GBF1: variants seen among roughly 807,000 people sequenced by gnomAD.
GBF1 encodes Golgi-specific brefeldin A-resistance guanine nucleotide exchange factor 1.
GBF1 carries 114 observed loss-of-function variants against 210.5 expected under a neutral mutation model. That is an observed-to-expected ratio of 0.54 (90% confidence interval 0.47 to 0.63). The LOEUF is 0.63. Ranked by LOEUF, GBF1 falls within the 30% of genes least tolerant of loss-of-function variation. GBF1 has a pLI of 0.00. For missense variants in GBF1, 1,851 were observed against 2,357.7 expected, an observed-to-expected ratio of 0.79 and a Z score of 4.45; for synonymous variants, 850 against 889.2, an observed-to-expected ratio of 0.96 and a Z score of 0.78.
rs1400713120 is a variant in GBF1, at chr10:102,258,304, G to A, written c.-10-625G>A. On this transcript the variant is annotated intron_variant, in intron 1 of 39. Transcript: ENST00000369983. ...CGGGTGGCTGAGATTACAGGCATGC[G>A]CCACCTCGCCTGGCTAATTTTTTGT... Among the ~76,000 whole-genome samples the A allele has an allele frequency of 5.3e-5, 8 of 151,202 alleles. No individual in the cohort carries two copies. The East Asian group carries it at 6.0e-4, about 11-fold the overall frequency.
At position 102,365,467 on chromosome 10, in the gene GBF1, G is replaced by T; in HGVS notation, c.2177G>T (p.Gly726Val). Residue 726 changes from glycine to valine, a missense_variant, in exon 18 of 40, where the codon GGC becomes GTC. By Grantham distance (109) the Gly-to-Val change is moderately radical (BLOSUM62 -3). Transcript: ENST00000369983. The stretch of plus-strand genomic sequence containing the variant: ...GGGATTCAGTTTCTGCAAGAGAAAG[G>T]CCTCCTCACCATCCCAATGGACAAC... ...KKGIQFLQEKGLLTIPMDNTE... is the reference protein window; with the variant it reads ...KKGIQFLQEKVLLTIPMDNTE... 6.2e-7 allele frequency: 1 copy of T among 1,614,048 alleles called. No homozygotes were observed. The highest frequency in any genetic ancestry group is 8.5e-7 in the Non-Finnish European group (1 of 1,179,872).
chr10:102,362,213 C>T (rs554985695), intron 14 of GBF1, among the ~76,000 whole-genome samples: 9 of 150,722 alleles, frequency 6.0e-5, no homozygotes, highest in African/African-American at 7.4e-5. Context: ...CCCACCACCA[C>T]GCCCGGCTAA....
At chr10:102,318,535 T>C (rs559184206) in intron 3 of GBF1, among the ~76,000 whole-genome samples, 2 of 152,310 alleles carry the variant, frequency 1.3e-5, no homozygotes, top group African/African-American at 4.8e-5. Context: ...AGCAATGTGG[T>C]ATAAATATCT....
intron 3 of GBF1, among the ~76,000 whole-genome samples, chr10:102,331,988 T>G (rs2057371769): frequency 6.6e-6 from 1 of 150,416 alleles, no homozygotes; most frequent in African/African-American, 2.4e-5. Flanking sequence ...GCCTCCTGAA[T>G]AGCTGGGATT....
chr10:102,339,344 C>T (rs1589693006), intron 3 of GBF1, among the ~76,000 whole-genome samples: 2 of 151,674 alleles, frequency 1.3e-5, no homozygotes, highest in East Asian at 3.9e-4. Flanking sequence ...GCCTGGGTGA[C>T]AGAGCGAGAC....
chr10:102,261,126 G>A (rs564973788), intron 3 of GBF1, among the ~76,000 whole-genome samples: 142 of 152,286 alleles, frequency 9.3e-4, no homozygotes, highest in African/African-American at 3.3e-3. Flanking sequence ...CCTAAGAGGT[G>A]GAGTCAAAAC....
chr10:102,347,147 T>G (rs2058630667), intron 4 of GBF1, among the ~76,000 whole-genome samples: 9 of 152,206 alleles, frequency 5.9e-5, no homozygotes, highest in Admixed American at 5.9e-4. Flanking sequence ...TCTTTGTTTC[T>G]TAAGCAGGGA....
chr10:102,364,742 G>A lies in GBF1; in HGVS notation c.2107-655G>A, dbSNP rs1041994701. 6.6e-5 allele frequency among the ~76,000 whole-genome samples: 10 copies of A among 151,786 alleles called. No homozygotes were observed. In the East Asian group the frequency reaches 9.8e-4, roughly 15 times the overall value. ...TGCATGCCTGTAATCCCAGCTACTC[G>A]GGAGACTGAGGCAGGAGAATCAGTT... is the stretch of plus-strand genomic sequence containing the variant. On this transcript the variant is annotated intron_variant, in intron 17 of 39. Coordinates refer to ENST00000369983, the MANE Select transcript of GBF1 (RefSeq NM_001377137.1).
rs755743715 is a variant in GBF1, at chr10:102,368,459, C to T, written c.2879+5C>T. 6.5e-7 allele frequency: 1 copy of T among 1,542,806 alleles called. No homozygotes were observed. The highest frequency in any genetic ancestry group is 9.0e-7 in the Non-Finnish European group (1 of 1,115,348). ...GAAAGCCATCTCAGGCTTCAGGTAG[C>T]CCAGCTTTGGCCTTGGTCTTCACCT... On this transcript the variant is annotated splice_donor_5th_base_variant and intron_variant, in intron 22 of 39. Coordinates refer to ENST00000369983, the MANE Select transcript of GBF1 (RefSeq NM_001377137.1).
rs952337644 is a variant in GBF1 at position 102,353,370 on chromosome 10, A to T, written c.585-230A>T. On this transcript the variant is annotated intron_variant, in intron 7 of 39. Coordinates refer to ENST00000369983, the MANE Select transcript of GBF1 (RefSeq NM_001377137.1). ...AAAAGAGCCTCCACACTCCAAGGGCACTTACCTTGCTCTCACAACTACCTC... is the reference window on the plus strand; with the variant it reads ...AAAAGAGCCTCCACACTCCAAGGGCTCTTACCTTGCTCTCACAACTACCTC... Among the ~76,000 whole-genome samples the T allele has an allele frequency of 5.9e-5, 9 of 152,182 alleles. 1 individual carries two copies. Among genetic ancestry groups the T allele is most frequent in the Non-Finnish European group, 8.8e-5 (6 of 68,024 alleles).
Position 102,344,082 on chromosome 10 carries a change from T to C in GBF1, c.195T>C (p.Leu65=). 6.2e-7 allele frequency: 1 copy of C among 1,612,632 alleles called. No homozygotes were observed. The highest frequency in any genetic ancestry group is 8.5e-7 in the Non-Finnish European group (1 of 1,178,634). The change falls in exon 4 of 40, where the codon CTT becomes CTC. Residue 65 remains leucine, a synonymous_variant. Coordinates refer to ENST00000369983, the MANE Select transcript of GBF1 (RefSeq NM_001377137.1). ...CAGAAATTGAGCCCAATGTATTCCT[T>C]CGACCTTTTCTGGAAGTGATTCGCT... is the stretch of plus-strand genomic sequence containing the variant. ...ELSEIEPNVF[L]RPFLEVIRSE...
chr10:102,350,899 C>T (rs1253052633), intron 4 of GBF1, among the ~76,000 whole-genome samples: 2 of 152,066 alleles, frequency 1.3e-5, no homozygotes, highest in Non-Finnish European at 2.9e-5. Context: ...GCCTAGCCAA[C>T]ATGGCAAAAC....
At chr10:102,369,142 A>G in intron 23 of GBF1, 69 bp from the exon 24 acceptor site, 5 of 1,132,410 alleles carry the variant, frequency 4.4e-6, no homozygotes, top group Non-Finnish European at 6.6e-6. Flanking sequence ...CATCATAGGC[A>G]GAGACCTAAG....
chr10:102,335,942 G>A (rs890382744), intron 3 of GBF1, among the ~76,000 whole-genome samples: 1 of 152,058 alleles, frequency 6.6e-6, no homozygotes, highest in African/African-American at 2.4e-5. Context: ...TCCTTAACTT[G>A]TGTTTGTTTT....
the GBF1 span, among the ~76,000 whole-genome samples, chr10:102,234,490 G>T: frequency 6.6e-6 from 1 of 152,176 alleles, no homozygotes; most frequent in Non-Finnish European, 1.5e-5. Context: ...AGGTCAGGGG[G>T]TTTGGAGCTG....
chr10:102,349,903 T>A (rs1214998187), intron 4 of GBF1, among the ~76,000 whole-genome samples: 1 of 152,188 alleles, frequency 6.6e-6, no homozygotes, highest in African/African-American at 2.4e-5. Context: ...TCCCCTCTTA[T>A]TCTGTACAGC....
At chr10:102,301,462 G>A (rs12355584) in intron 3 of GBF1, among the ~76,000 whole-genome samples, 25,508 of 152,090 alleles carry the variant, frequency 0.17, 2,364 homozygotes, top group East Asian at 0.35. Flanking sequence ...AACCGCCATC[G>A]TCATCATGAC....
chr10:102,354,222 A>G (rs563113101), intron 8 of GBF1, among the ~76,000 whole-genome samples: 1 of 152,280 alleles, frequency 6.6e-6, no homozygotes, highest in African/African-American at 2.4e-5. Context: ...AAGAGGGTCT[A>G]CCTATGGAGA....
At chr10:102,235,186 C>A in the GBF1 span, among the ~76,000 whole-genome samples, 21 of 144,692 alleles carry the variant, frequency 1.5e-4, no homozygotes, top group East Asian at 2.5e-3. Flanking sequence ...CCCACCCCCC[C>A]ACCGCCTCCC....
Sources: allele counts gnomAD v4.1 joint callset (sites outside exome capture counted in the v4.1 genomes callset), GRCh38; gene constraint gnomAD v4.1.1; transcripts MANE v1.5; gene names NCBI Gene and HGNC (gene_info 2026-07-23, HGNC 2026-07-21).